TLK1: variants seen among roughly 807,000 people sequenced by gnomAD.
TLK1 encodes the protein serine/threonine-protein kinase tousled-like 1.
TLK1 carries 24 observed loss-of-function variants against 105.3 expected under a neutral mutation model. That is an observed-to-expected ratio of 0.23 (90% CI 0.17 to 0.32). The LOEUF (loss-of-function observed/expected upper bound fraction) is 0.32, where lower values mean the gene tolerates loss of function less well. TLK1 is among the 10% of genes least tolerant of loss of function. TLK1 has a pLI of 1.00. For missense variants in TLK1, 558 were observed against 910.5 expected, an observed-to-expected ratio of 0.61 and a Z score of 4.98; for synonymous variants, 321 against 310.4, an observed-to-expected ratio of 1.03 and a Z score of -0.36.
At chr2:171,194,994 T>C (rs1693239405) in intron 1 of TLK1, among the ~76,000 whole-genome samples, 1 of 152,074 alleles carries the variant, frequency 6.6e-6, no homozygotes, top group Non-Finnish European at 1.5e-5. Context: ...AGCCCTTTCC[T>C]CAATCAGTTC....
chr2:170,991,458 A>G lies in TLK1; in HGVS notation c.*2322T>C, dbSNP rs150202548. 6.1e-4 allele frequency: 93 copies of G among 152,330 alleles called. 1 individual carries two copies. Among genetic ancestry groups the G allele is most frequent in the African/African-American group, 1.8e-3 (73 of 41,580 alleles). The allele number at this position is 152,330 out of a possible 1,614,324, so 9.4% of individuals were successfully genotyped here. On this transcript the variant is annotated 3_prime_UTR_variant, in exon 21 of 21. Transcript: ENST00000431350. ...GTCACTGGCATGTTATTCAAAATCT[A>G]TAACATTTCTTTGGGAAACTTTTAG... is the stretch of plus-strand genomic sequence containing the variant.
At chr2:171,086,703 T>A (rs1222820056) in intron 2 of TLK1, among the ~76,000 whole-genome samples, 1 of 151,030 alleles carries the variant, frequency 6.6e-6, no homozygotes, top group Non-Finnish European at 1.5e-5. Flanking sequence ...AGGTTTCCTG[T>A]TTTTACAGCT....
At chr2:171,000,329 A>G (rs138790013) in intron 18 of TLK1, among the ~76,000 whole-genome samples, 2,054 of 150,836 alleles carry the variant, frequency 0.014, 21 homozygotes, top group Non-Finnish European at 0.02. Context: ...CAGTGAACCA[A>G]GACTGTGCCA....
chr2:171,076,269 A>C (rs1474572058), intron 3 of TLK1, among the ~76,000 whole-genome samples: 1 of 151,866 alleles, frequency 6.6e-6, no homozygotes, highest in African/African-American at 2.4e-5. Context: ...GATTAATGCC[A>C]TTATTGTGGG....
intron 1 of TLK1, among the ~76,000 whole-genome samples, chr2:171,140,056 TCA>T (rs1014896766): frequency 6.6e-6 from 1 of 152,170 alleles, no homozygotes; most frequent in Non-Finnish European, 1.5e-5. Context: ...GGCTCATTCC[TCA>T]CAGGATAGCG....
At chr2:171,193,037 A>G (rs149401540) in intron 1 of TLK1, among the ~76,000 whole-genome samples, 35 of 152,342 alleles carry the variant, frequency 2.3e-4, no homozygotes, top group African/African-American at 8.2e-4. Context: ...AAACCTGCTA[A>G]TTTTCCTTGG....
chr2:171,079,487 T>A, intron 3 of TLK1, among the ~76,000 whole-genome samples: 1 of 152,322 alleles, frequency 6.6e-6, no homozygotes, highest in South Asian at 2.1e-4. Flanking sequence ...TTCTCTGTGA[T>A]TGGGCAGAGA....
intron 1 of TLK1, chr2:171,231,043 A>G (rs1693986845): frequency 6.6e-6 from 1 of 152,228 alleles, no homozygotes; most frequent in Non-Finnish European, 1.5e-5. Flanking sequence ...CCCAGGTTTG[A>G]CATATATTAA....
intron 2 of TLK1, among the ~76,000 whole-genome samples, chr2:171,102,812 T>A (rs1044636443): frequency 2.6e-5 from 4 of 152,160 alleles, no homozygotes; most frequent in African/African-American, 9.7e-5. Flanking sequence ...CTGTTGTAGA[T>A]GCTAGGGATA....
At chr2:171,200,321 C>T (rs901004611) in intron 1 of TLK1, among the ~76,000 whole-genome samples, 2 of 152,060 alleles carry the variant, frequency 1.3e-5, no homozygotes, top group Admixed American at 6.6e-5. Flanking sequence ...ATTTCAGTTG[C>T]GTGATATCAT....
intron 2 of TLK1, among the ~76,000 whole-genome samples, chr2:171,113,711 G>T (rs1690284509): frequency 6.6e-6 from 1 of 152,076 alleles, no homozygotes; most frequent in Admixed American, 6.6e-5. Context: ...TCACTAGATG[G>T]AGAAAAATAA....
chr2:171,175,396 A>G (rs1271944582), intron 1 of TLK1, among the ~76,000 whole-genome samples: 3 of 152,234 alleles, frequency 2.0e-5, no homozygotes, highest in Non-Finnish European at 4.4e-5. Flanking sequence ...ACAATACTGT[A>G]TAGCAACTAT....
At chr2:171,057,335 T>G (rs1687548742) in intron 5 of TLK1, among the ~76,000 whole-genome samples, 1 of 152,056 alleles carries the variant, frequency 6.6e-6, no homozygotes, top group Non-Finnish European at 1.5e-5. Context: ...TTAAACAACT[T>G]CCTGCAACCT....
chr2:171,122,456 C>G (rs1423290666), intron 1 of TLK1, among the ~76,000 whole-genome samples: 2 of 152,030 alleles, frequency 1.3e-5, no homozygotes, highest in East Asian at 3.8e-4. Flanking sequence ...CTCCACAAAC[C>G]GACCACACCA....
intron 1 of TLK1, among the ~76,000 whole-genome samples, chr2:171,192,870 T>C (rs1458009309): frequency 6.6e-6 from 1 of 152,206 alleles, no homozygotes; most frequent in African/African-American, 2.4e-5. Flanking sequence ...CTTGAACCTG[T>C]TCACAAGAGA....
intron 1 of TLK1, among the ~76,000 whole-genome samples, chr2:171,118,357 C>T (rs540530873): frequency 3.3e-5 from 5 of 152,132 alleles, no homozygotes; most frequent in South Asian, 2.1e-4. Flanking sequence ...TGTAACTATG[C>T]GACATTACCA....
chr2:171,154,012 C>CTTGA (rs1338511790), intron 1 of TLK1: 1 of 152,092 alleles, frequency 6.6e-6, no homozygotes, highest in Non-Finnish European at 1.5e-5. Context: ...AGGTGGGATC[C>CTTGA]TCCCACCTCA....
intron 1 of TLK1, among the ~76,000 whole-genome samples, chr2:171,230,481 G>A (rs574909761): frequency 6.6e-6 from 1 of 152,100 alleles, no homozygotes; most frequent in Non-Finnish European, 1.5e-5. Context: ...AATGGAATCC[G>A]CAAGAGAATA....
intron 13 of TLK1, among the ~76,000 whole-genome samples, chr2:171,014,540 T>A (rs1685081325): frequency 6.6e-6 from 1 of 152,124 alleles, no homozygotes; most frequent in Non-Finnish European, 1.5e-5. Flanking sequence ...AGAATGGCCT[T>A]TCTAAAGAAC....
Sources: gnomAD v4.1 joint callset for allele counts (sites outside exome capture counted in the v4.1 genomes callset) on GRCh38, gnomAD v4.1.1 for gene constraint, MANE v1.5 for transcripts, NCBI Gene and HGNC (gene_info 2026-07-23, HGNC 2026-07-21) for gene names.